MSANTD7: variants seen among roughly 807,000 people sequenced by gnomAD.
MSANTD7 encodes zinc finger and SCAN domain containing 29.
chr10:14,841,318 A>T, the MSANTD7 span: 1 of 152,188 alleles, frequency 6.6e-6, no homozygotes, highest in Non-Finnish European at 1.5e-5. Flanking sequence ...TCAGATCATA[A>T]AGTCTAGAAA....
chr10:14,839,867 G>C, the MSANTD7 span: 18 of 1,501,530 alleles, frequency 1.2e-5, no homozygotes, highest in Non-Finnish European at 1.7e-5. Flanking sequence ...GTCTGAATAC[G>C]TCTAATGAGA....
chr10:14,840,053 T>C, the MSANTD7 span: 1 of 1,210,846 alleles, frequency 8.3e-7, no homozygotes. Context: ...TATATATATA[T>C]ATATATTATT....
the MSANTD7 span, chr10:14,844,724 A>G: frequency 5.2e-6 from 5 of 964,186 alleles, no homozygotes; most frequent in Non-Finnish European, 4.9e-6. Flanking sequence ...AAAATATTAA[A>G]TATATGTAAA....
the MSANTD7 span, chr10:14,840,121 A>G: frequency 6.8e-7 from 1 of 1,478,712 alleles, no homozygotes; most frequent in Middle Eastern, 2.2e-4. Flanking sequence ...AATATTTCAA[A>G]TACAGTAATG....
the MSANTD7 span, chr10:14,843,457 A>G: frequency 6.4e-7 from 1 of 1,550,642 alleles, no homozygotes; most frequent in Non-Finnish European, 8.7e-7. Flanking sequence ...CCCCATGGCC[A>G]GACTGGGTGT....
chr10:14,842,481 T>G, the MSANTD7 span: 1 of 1,536,020 alleles, frequency 6.5e-7, no homozygotes, highest in African/African-American at 1.4e-5. The surrounding 1 kb of genome is among the most constrained non-coding windows in gnomAD (Gnocchi z 5.2). Flanking sequence ...CGCTCCAAGT[T>G]TAAAGTTCTG....
the MSANTD7 span, chr10:14,845,473 C>A: frequency 2.0e-6 from 2 of 985,314 alleles, no homozygotes; most frequent in Non-Finnish European, 2.4e-6. Context: ...TCTGCCAAGC[C>A]AGGGATGGAG....
chr10:14,839,067 G>C, the MSANTD7 span, among the ~76,000 whole-genome samples: 1 of 152,232 alleles, frequency 6.6e-6, no homozygotes, highest in Non-Finnish European at 1.5e-5. Flanking sequence ...GTCCCGCAAA[G>C]CTGCCTGGCT....
the MSANTD7 span, chr10:14,842,538 G>A: frequency 2.6e-6 from 4 of 1,536,144 alleles, no homozygotes; most frequent in Non-Finnish European, 3.5e-6. This position sits in a 1 kb window ranked among gnomAD's most constrained non-coding sequence, Gnocchi z 5.2. Flanking sequence ...ACAAGTATGG[G>A]TGAGCCACCA....
the MSANTD7 span, chr10:14,843,483 C>T: frequency 7.1e-6 from 11 of 1,550,642 alleles, no homozygotes; most frequent in Non-Finnish European, 8.7e-7. Flanking sequence ...GGGAGCCCAG[C>T]CCCTGCACCA....
the MSANTD7 span, chr10:14,843,607 A>C: frequency 6.4e-7 from 1 of 1,550,602 alleles, no homozygotes; most frequent in African/African-American, 1.4e-5. Flanking sequence ...GCCCCCTCCA[A>C]GGTGGGCAAG....
At chr10:14,839,937 C>A in the MSANTD7 span, 1 of 1,612,450 alleles carries the variant, frequency 6.2e-7, no homozygotes, top group East Asian at 2.2e-5. Flanking sequence ...CAAATGATGC[C>A]GGTGACCGAG....
chr10:14,846,974 A>T, the MSANTD7 span: 3 of 985,300 alleles, frequency 3.0e-6, no homozygotes. Flanking sequence ...CCTGGTGTGG[A>T]CAAATAAAGT....
chr10:14,843,317 A>G, the MSANTD7 span: 16 of 1,545,412 alleles, frequency 1.0e-5, no homozygotes, highest in South Asian at 1.7e-4. Context: ...GCTGGCTCCA[A>G]GCATTCCCTT....
At chr10:14,844,144 C>T in the MSANTD7 span, 1 of 1,314,066 alleles carries the variant, frequency 7.6e-7, no homozygotes, top group East Asian at 3.6e-5. Context: ...CTGGTTCATC[C>T]TAGCTTTGTC....
At chr10:14,839,253 G>A in the MSANTD7 span, among the ~76,000 whole-genome samples, 1 of 152,176 alleles carries the variant, frequency 6.6e-6, no homozygotes, top group East Asian at 1.9e-4. Context: ...AAAGCCAAAG[G>A]GAATAATACT....
At chr10:14,846,148 A>G in the MSANTD7 span, 1 of 984,352 alleles carries the variant, frequency 1.0e-6, no homozygotes, top group Non-Finnish European at 1.2e-6. Flanking sequence ...GCATATATTT[A>G]AGGCATTGAA....
the MSANTD7 span, chr10:14,845,356 C>G: frequency 1.0e-6 from 1 of 985,294 alleles, no homozygotes; most frequent in Non-Finnish European, 1.2e-6. Flanking sequence ...TTCTATCTTG[C>G]AGGCTCGAGT....
At chr10:14,842,208 G>A in the MSANTD7 span, 33 of 1,535,432 alleles carry the variant, frequency 2.1e-5, no homozygotes, top group Non-Finnish European at 2.8e-5. This position sits in a 1 kb window ranked among gnomAD's most constrained non-coding sequence, Gnocchi z 5.2. Flanking sequence ...TATCCTGAGA[G>A]CACACAGAGC....
Sources: gnomAD v4.1 joint callset for allele counts (sites outside exome capture counted in the v4.1 genomes callset) on GRCh38, gnomAD v4.1.1 for gene constraint, Gnocchi (gnomAD v3.1) non-coding constraint, MANE v1.5 for transcripts, NCBI Gene and HGNC (gene_info 2026-07-23, HGNC 2026-07-21) for gene names.